CDIN1: variants seen among roughly 807,000 people sequenced by gnomAD.
The protein encoded by CDIN1 is CDAN1 interacting nuclease 1.
A neutral mutation model predicts 45.3 loss-of-function variants in CDIN1; 33 were observed. That is an observed-to-expected ratio of 0.73 (90% CI 0.55 to 0.97). The LOEUF (loss-of-function observed/expected upper bound fraction) is 0.97. CDIN1 is among the 50% of genes least tolerant of loss of function. CDIN1 has a pLI of 0.00. For missense variants in CDIN1, 303 were observed against 339.4 expected (o/e 0.89, Z 0.84); for synonymous variants, 118 against 124.4 (o/e 0.95, Z 0.34).
intron 10 of CDIN1, among the ~76,000 whole-genome samples, chr15:36,805,780 A>C (rs989299613): frequency 1.3e-5 from 2 of 152,202 alleles, no homozygotes; most frequent in Admixed American, 1.3e-4. Flanking sequence ...CTGTTGAAGA[A>C]GGCTCAGAAA....
chr15:36,608,070 AT>A (rs767552382), intron 1 of CDIN1, among the ~76,000 whole-genome samples: 6 of 152,066 alleles, frequency 3.9e-5, no homozygotes, highest in Non-Finnish European at 7.4e-5. Flanking sequence ...CCTTTTGTTT[AT>A]CCTTTTATTA....
chr15:36,765,952 T>G (rs544096242), intron 10 of CDIN1, among the ~76,000 whole-genome samples: 80 of 152,294 alleles, frequency 5.3e-4, no homozygotes, highest in African/African-American at 1.8e-3. Context: ...GTTAAAATTT[T>G]AAGTGCTCAA....
chr15:36,800,544 A>G (rs977219062), intron 10 of CDIN1, among the ~76,000 whole-genome samples: 1 of 152,164 alleles, frequency 6.6e-6, no homozygotes, highest in African/African-American at 2.4e-5. Context: ...GTTATTTACA[A>G]CTCTGTCTGG....
At chr15:36,701,937 T>A in intron 8 of CDIN1, 1 of 622,762 alleles carries the variant, frequency 1.6e-6, no homozygotes. Context: ...CTGCCCCTGC[T>A]GCTTTATTCC....
At chr15:36,597,669 T>C (rs2037901940) in intron 1 of CDIN1, among the ~76,000 whole-genome samples, 1 of 152,242 alleles carries the variant, frequency 6.6e-6, no homozygotes, top group Non-Finnish European at 1.5e-5. Context: ...TGCAGTATGA[T>C]AGAACCTTCA....
chr15:36,793,920 A>G (rs2054715315), intron 10 of CDIN1, among the ~76,000 whole-genome samples: 1 of 151,544 alleles, frequency 6.6e-6, no homozygotes, highest in South Asian at 2.1e-4. Context: ...CTGTTTCGCT[A>G]GTTATCTGTT....
chr15:36,792,614 A>C (rs1412210741), intron 10 of CDIN1, among the ~76,000 whole-genome samples: 1 of 86,782 alleles, frequency 1.2e-5, no homozygotes, highest in Non-Finnish European at 2.4e-5. Flanking sequence ...GCTGGGGGGG[A>C]GGGTGGATTT....
intron 10 of CDIN1, among the ~76,000 whole-genome samples, chr15:36,757,968 T>C (rs1042876920): frequency 6.6e-6 from 1 of 152,166 alleles, no homozygotes; most frequent in Admixed American, 6.5e-5. Flanking sequence ...ATGGTTCTTT[T>C]TTTATTGTTA....
At chr15:36,723,204 T>C (rs2043497414) in intron 10 of CDIN1, among the ~76,000 whole-genome samples, 1 of 135,556 alleles carries the variant, frequency 7.4e-6, no homozygotes, top group South Asian at 2.5e-4. Context: ...CATTTGTTGC[T>C]GGCAGCTTGC....
chr15:36,620,783 T>A (rs60322539), intron 1 of CDIN1, among the ~76,000 whole-genome samples: 899 of 41,184 alleles, frequency 0.022, 14 homozygotes, highest in African/African-American at 0.077. Context: ...AAATATTATT[T>A]TTTTTTTAAA....
chr15:36,663,220 G>A (rs1178692712), intron 5 of CDIN1, among the ~76,000 whole-genome samples: 1 of 152,068 alleles, frequency 6.6e-6, no homozygotes, highest in African/African-American at 2.4e-5. Context: ...AATTCAGATG[G>A]GGTTATATGA....
intron 5 of CDIN1, among the ~76,000 whole-genome samples, chr15:36,689,385 G>A (rs933562456): frequency 3.9e-5 from 6 of 152,096 alleles, no homozygotes; most frequent in Admixed American, 2.0e-4. Context: ...ATAGGATAGC[G>A]TTCTTAGTCA....
chr15:36,664,748 A>G (rs141721287), intron 5 of CDIN1, among the ~76,000 whole-genome samples: 4,622 of 151,890 alleles, frequency 0.03, 220 homozygotes, highest in Admixed American at 0.089. Flanking sequence ...GGGTTTCACC[A>G]TGTTAGCCAG....
intron 5 of CDIN1, among the ~76,000 whole-genome samples, chr15:36,673,849 A>G (rs2041543597): frequency 6.6e-6 from 1 of 152,124 alleles, no homozygotes; most frequent in African/African-American, 2.4e-5. Context: ...ACTGATGCTC[A>G]TGCTTTTGTA....
At chr15:36,682,768 A>C (rs1485789968) in intron 5 of CDIN1, among the ~76,000 whole-genome samples, 1 of 100,110 alleles carries the variant, frequency 1.0e-5, no homozygotes, top group African/African-American at 3.9e-5. Context: ...AGACCCTGCC[A>C]AAAAAAAAAA....
At chr15:36,776,077 T>A (rs1357156286) in intron 10 of CDIN1, among the ~76,000 whole-genome samples, 23 of 152,248 alleles carry the variant, frequency 1.5e-4, no homozygotes, top group Non-Finnish European at 2.6e-4. Context: ...TTTTTTCAAA[T>A]ATGTGGTTTA....
intron 10 of CDIN1, among the ~76,000 whole-genome samples, chr15:36,727,895 G>T (rs965775913): frequency 6.6e-6 from 1 of 152,174 alleles, no homozygotes; most frequent in Non-Finnish European, 1.5e-5. Context: ...TGGTACATGT[G>T]TAGATACAAC....
chr15:36,618,500 C>T (rs926310403), intron 1 of CDIN1: 1 of 1,236,192 alleles, frequency 8.1e-7, no homozygotes, highest in African/African-American at 1.5e-5. Context: ...TCAAAGCCTC[C>T]AACACCAAAG....
At chr15:36,586,447 A>T (rs2037304600) in intron 1 of CDIN1, among the ~76,000 whole-genome samples, 1 of 152,192 alleles carries the variant, frequency 6.6e-6, no homozygotes, top group Non-Finnish European at 1.5e-5. Flanking sequence ...TTTTATGTGA[A>T]ACGAACTACC....
Sources: gnomAD v4.1 joint callset for allele counts (sites outside exome capture counted in the v4.1 genomes callset) on GRCh38, gnomAD v4.1.1 for gene constraint, MANE v1.5 for transcripts, NCBI Gene and HGNC (gene_info 2026-07-23, HGNC 2026-07-21) for gene names.